Variants in MIPEP observed in about 807,000 individuals in gnomAD.
MIPEP encodes mitochondrial intermediate peptidase.
Under a neutral mutation model 90.3 loss-of-function variants are expected in MIPEP, and 79 were observed. The ratio of observed to expected loss-of-function variants is 0.87; its 90% CI spans 0.73 to 1.05. The LOEUF (loss-of-function observed/expected upper bound fraction) is 1.05, where lower values mean the gene tolerates loss of function less well. Among genes scored for constraint, MIPEP ranks in the 50% least tolerant of loss-of-function variants. MIPEP has a pLI of 0.00. For missense variants in MIPEP, 940 were observed against 905.6 expected, an observed-to-expected ratio of 1.04 and a Z score of -0.49; for synonymous variants, 334 against 315.8, an observed-to-expected ratio of 1.06 and a Z score of -0.61.
At chr13:23,845,653 G>A (rs1171038596) in intron 10 of MIPEP, among the ~76,000 whole-genome samples, 1 of 152,130 alleles carries the variant, frequency 6.6e-6, no homozygotes, top group East Asian at 1.9e-4. Flanking sequence ...GCTGCAAAGA[G>A]TACAAGATCT....
intron 16 of MIPEP, among the ~76,000 whole-genome samples, chr13:23,775,589 G>A (rs1004060207): frequency 6.6e-6 from 1 of 152,022 alleles, no homozygotes; most frequent in African/African-American, 2.4e-5. Context: ...GGGTACGTAG[G>A]GTCTATGTGC....
intron 18 of MIPEP, among the ~76,000 whole-genome samples, chr13:23,732,275 C>T (rs1952214623): frequency 6.6e-6 from 1 of 152,098 alleles, no homozygotes; most frequent in Non-Finnish European, 1.5e-5. Flanking sequence ...AGGCGTGAGC[C>T]ACTGTGCTAC....
At chr13:23,796,072 T>C (rs1952956885) in intron 16 of MIPEP, among the ~76,000 whole-genome samples, 1 of 152,164 alleles carries the variant, frequency 6.6e-6, no homozygotes, top group African/African-American at 2.4e-5. Flanking sequence ...TATATGTGTG[T>C]GTGTATATGT....
chr13:23,859,359 T>C (rs1870188408), intron 9 of MIPEP, among the ~76,000 whole-genome samples: 1 of 152,160 alleles, frequency 6.6e-6, no homozygotes, highest in Non-Finnish European at 1.5e-5. Flanking sequence ...AAAGCAGCAA[T>C]TTAAAATGTA....
intron 18 of MIPEP, among the ~76,000 whole-genome samples, chr13:23,741,066 A>G (rs969477441): frequency 5.3e-5 from 8 of 152,230 alleles, no homozygotes; most frequent in African/African-American, 1.9e-4. Context: ...CCCAGGACAA[A>G]TACCTCATCA....
chr13:23,738,068 A>G (rs1952284271), intron 18 of MIPEP, among the ~76,000 whole-genome samples: 1 of 152,222 alleles, frequency 6.6e-6, no homozygotes, highest in South Asian at 2.1e-4. Flanking sequence ...TATTAATTGA[A>G]TATTTGTAAG....
chr13:23,740,661 C>T (rs1229231762), intron 18 of MIPEP, among the ~76,000 whole-genome samples: 1 of 152,122 alleles, frequency 6.6e-6, no homozygotes, highest in Admixed American at 6.5e-5. Flanking sequence ...GTCTTTCCTC[C>T]GATTCATAAA....
chr13:23,801,888 G>A (rs982913464), intron 16 of MIPEP, among the ~76,000 whole-genome samples: 1 of 151,932 alleles, frequency 6.6e-6, no homozygotes, highest in South Asian at 2.1e-4. Flanking sequence ...CTTACAACAA[G>A]TGCTGTTATA....
At chr13:23,867,432 G>A (rs1870592655) in intron 7 of MIPEP, among the ~76,000 whole-genome samples, 1 of 152,078 alleles carries the variant, frequency 6.6e-6, no homozygotes. Flanking sequence ...TTCCGACAAT[G>A]CTCTCTAAAA....
At chr13:23,865,710 C>A (rs1221469791) in intron 7 of MIPEP, among the ~76,000 whole-genome samples, 2 of 150,196 alleles carry the variant, frequency 1.3e-5, no homozygotes, top group African/African-American at 4.9e-5. Context: ...TGCTCTGTTG[C>A]CCAGGCTGGA....
intron 7 of MIPEP, among the ~76,000 whole-genome samples, chr13:23,868,363 G>C (rs892830179): frequency 1.3e-5 from 2 of 152,200 alleles, no homozygotes; most frequent in African/African-American, 4.8e-5. Flanking sequence ...AAGGGAAACA[G>C]TTGTTTACGA....
At chr13:23,744,741 T>C (rs998368893) in intron 18 of MIPEP, among the ~76,000 whole-genome samples, 1 of 152,232 alleles carries the variant, frequency 6.6e-6, no homozygotes, top group Non-Finnish European at 1.5e-5. Flanking sequence ...CTCCTAGCCA[T>C]TCAATGCTGG....
chr13:23,853,016 T>C (rs1034281417), intron 10 of MIPEP, among the ~76,000 whole-genome samples: 7 of 152,132 alleles, frequency 4.6e-5, no homozygotes, highest in African/African-American at 1.2e-4. Context: ...AGAGAAAATA[T>C]TGTTGTTCAT....
At chr13:23,740,020 T>C (rs1004935935) in intron 18 of MIPEP, among the ~76,000 whole-genome samples, 2 of 152,208 alleles carry the variant, frequency 1.3e-5, no homozygotes, top group African/African-American at 4.8e-5. Flanking sequence ...GTTAGGAGAA[T>C]AATTTTGCTT....
intron 7 of MIPEP, 26 bp downstream of exon 7, chr13:23,869,266 C>CT (rs1870672828): frequency 6.5e-7 from 1 of 1,546,770 alleles, no homozygotes; most frequent in Non-Finnish European, 8.7e-7. Context: ...CTATTTTGCC[C>CT]TTAAATGTTG....
chr13:23,765,696 C>T (rs112465223), intron 16 of MIPEP, among the ~76,000 whole-genome samples: 12 of 152,138 alleles, frequency 7.9e-5, no homozygotes, highest in African/African-American at 2.9e-4. Context: ...AACGGGAACT[C>T]GACAGCAATC....
chr13:23,798,369 A>G (rs1357604143), intron 16 of MIPEP, among the ~76,000 whole-genome samples: 1 of 152,220 alleles, frequency 6.6e-6, no homozygotes, highest in Admixed American at 6.5e-5. Flanking sequence ...TAGTCTGAAT[A>G]GAAACCAGTC....
intron 16 of MIPEP, among the ~76,000 whole-genome samples, chr13:23,764,880 C>T (rs970117486): frequency 6.6e-6 from 1 of 152,176 alleles, no homozygotes; most frequent in African/African-American, 2.4e-5. Flanking sequence ...AATAGTATAC[C>T]ATTTCTTCAT....
chr13:23,868,716 C>T (rs891447757), intron 7 of MIPEP, among the ~76,000 whole-genome samples: 6 of 152,260 alleles, frequency 3.9e-5, no homozygotes, highest in Admixed American at 6.5e-5. Flanking sequence ...TCTGAAAAAA[C>T]GTATTATGTA....
Sources: allele counts gnomAD v4.1 joint callset (sites outside exome capture counted in the v4.1 genomes callset), GRCh38; gene constraint gnomAD v4.1.1; transcripts MANE v1.5; gene names NCBI Gene and HGNC (gene_info 2026-07-23, HGNC 2026-07-21).